The following SV2B variants were observed in gnomAD, a reference collection of about 807,000 sequenced individuals.
SV2B encodes the protein solute carrier family 22 member B2.
SV2B carries 41 observed loss-of-function variants against 73.9 expected under a neutral mutation model. That is an observed-to-expected ratio of 0.56 (90% CI 0.43 to 0.72). SV2B has a LOEUF of 0.72. Among genes scored for constraint, SV2B ranks in the 30% least tolerant of loss-of-function variants. The probability of loss-of-function intolerance (pLI) is 0.00; values close to 1 mark genes in which losing one functional copy is unlikely to be tolerated. For missense variants in SV2B, 764 were observed against 857.8 expected (o/e 0.89, Z 1.37); for synonymous variants, 314 against 314.2 (o/e 1.00, Z 0.01).
intron 1 of SV2B, among the ~76,000 whole-genome samples, chr15:91,196,392 T>C (rs549156006): frequency 6.6e-6 from 1 of 152,252 alleles, no homozygotes; most frequent in South Asian, 2.1e-4. Flanking sequence ...AGTGATGTAT[T>C]ATGTCTACAT....
chr15:91,111,538 G>A (rs2042035656), intron 1 of SV2B, among the ~76,000 whole-genome samples: 1 of 152,160 alleles, frequency 6.6e-6, no homozygotes, highest in Non-Finnish European at 1.5e-5. Context: ...CAAAGCTATT[G>A]GACAGGAGAG....
At chr15:91,264,151 A>G (rs373693267) in intron 6 of SV2B, among the ~76,000 whole-genome samples, 25 of 152,346 alleles carry the variant, frequency 1.6e-4, no homozygotes, top group African/African-American at 4.8e-4. Context: ...GGTTCCACGC[A>G]GTGGTGCTTA....
chr15:91,209,114 GTTTTTTTTTTTTT>G (rs903531189), intron 1 of SV2B, among the ~76,000 whole-genome samples: 2 of 90,022 alleles, frequency 2.2e-5, no homozygotes, highest in African/African-American at 1.2e-4. Context: ...ACTGTTTTTT[GTTTTTTTTTTTTT>G]TTTTTTTTTT....
At chr15:91,199,274 T>G (rs1044506372) in intron 1 of SV2B, among the ~76,000 whole-genome samples, 2 of 152,204 alleles carry the variant, frequency 1.3e-5, no homozygotes, top group Non-Finnish European at 2.9e-5. Flanking sequence ...CCCGTCACTC[T>G]CTGGGGGAAG....
In SV2B at chr15:91,252,903, C is replaced by A. The variant is rs919892641; in HGVS notation, c.784+383C>A. On this transcript the variant is annotated intron_variant, in intron 4 of 12. Transcript: ENST00000394232. This position sits in a 1 kb window ranked among gnomAD's most constrained non-coding sequence, Gnocchi z 4.6. ...TAGATGACAGGTATGTGACAAAAGC[C>A]AAGAGAAGTTGGTGACTTGCTCAAG... Among the ~76,000 whole-genome samples, 1 of 152,072 alleles carries A rather than the reference C, an allele frequency of 6.6e-6. No homozygotes were observed. The highest frequency in any genetic ancestry group is 6.5e-5 in the Admixed American group (1 of 15,270).
Position 91,122,074 on chromosome 15 carries a change from C to T in SV2B, c.-392+21711C>T, listed in dbSNP as rs868797970. On this transcript the variant is annotated intron_variant, in intron 1 of 12. Coordinates refer to ENST00000394232, the MANE Select transcript of SV2B (RefSeq NM_001323032.3). This position sits in a 1 kb window ranked among gnomAD's most constrained non-coding sequence, Gnocchi z 4.3. ...CAGGCGTGAGCCACTGCGCCCGGCCCAATGGTGTTTTAAAAGTAATGCTTG... is the reference window on the plus strand; with the variant it reads ...CAGGCGTGAGCCACTGCGCCCGGCCTAATGGTGTTTTAAAAGTAATGCTTG... Among the ~76,000 whole-genome samples the T allele has an allele frequency of 2.0e-5, 3 of 152,086 alleles. No homozygotes were observed. The highest frequency in any genetic ancestry group is 6.5e-5 in the Admixed American group (1 of 15,274).
intron 1 of SV2B, among the ~76,000 whole-genome samples, chr15:91,206,328 C>T (rs1450928576): frequency 5.3e-5 from 8 of 151,916 alleles, no homozygotes; most frequent in African/African-American, 1.9e-4. Context: ...AGGCGTGAGC[C>T]ACCGTGCCCA....
intron 1 of SV2B, among the ~76,000 whole-genome samples, chr15:91,193,905 A>C (rs2045142153): frequency 6.6e-6 from 1 of 152,156 alleles, no homozygotes; most frequent in Admixed American, 6.5e-5. Context: ...TGTAACCATA[A>C]AGGCTCAACG....
rs1323938457 is a variant in SV2B, at chr15:91,214,305, AG to A, written c.-391-11565del. ...ATTTGCTGCTTGTGGAGTGAGGTTA[AG>A]GGTCTCGTTGTCCTTTAGAGTGTGG... On this transcript the variant is annotated intron_variant, in intron 1 of 12. Transcript: ENST00000394232. This position sits in a 1 kb window ranked among gnomAD's most constrained non-coding sequence, Gnocchi z 4.7. Among the ~76,000 whole-genome samples the A allele has an allele frequency of 6.6e-6, 1 of 152,174 alleles. No homozygotes were observed. Among genetic ancestry groups the A allele is most frequent in the African/African-American group, 2.4e-5 (1 of 41,442 alleles).
Position 91,260,532 on chromosome 15 carries a change from G to A in SV2B, c.1008+123G>A, listed in dbSNP as rs892345110. The A allele has an allele frequency of 7.8e-6, 5 of 637,406 alleles. No individual in the cohort carries two copies. The African/African-American group carries it at 9.2e-5, about 12-fold the overall frequency. 39.5% of individuals were successfully genotyped at this position (637,406 alleles called of 1,614,324 possible). On this transcript the variant is annotated intron_variant, in intron 6 of 12. Coordinates refer to ENST00000394232, the MANE Select transcript of SV2B (RefSeq NM_001323032.3). ...AAAGGAGAACAAAGACTCTGATATT[G>A]CTGTTACTTTATAATAATTATTCTT...
intron 1 of SV2B, among the ~76,000 whole-genome samples, chr15:91,185,038 CAG>C (rs1242229919): frequency 6.6e-6 from 1 of 152,220 alleles, no homozygotes; most frequent in Non-Finnish European, 1.5e-5. Flanking sequence ...TCTTCTGAAA[CAG>C]ATGTTCTGTC....
At position 91,252,305 on chromosome 15, in the gene SV2B, T is replaced by C. The variant is rs1008366618; in HGVS notation, c.633-64T>C. ...CTAAGGTGGGGTATAGGCAACTTGG[T>C]TTCTGCTGTGACCATTTTTAGTGTA... On this transcript the variant is annotated intron_variant, in intron 3 of 12. Coordinates refer to ENST00000394232, the MANE Select transcript of SV2B (RefSeq NM_001323032.3). This position sits in a 1 kb window ranked among gnomAD's most constrained non-coding sequence, Gnocchi z 4.6. 5.8e-6 allele frequency: 9 copies of C among 1,548,616 alleles called. No individual in the cohort carries two copies. The African/African-American group carries it at 1.1e-4, about 19-fold the overall frequency.
Position 91,265,333 on chromosome 15 carries a change from G to A in SV2B, c.1009-1249G>A, listed in dbSNP as rs2048062258. On this transcript the variant is annotated intron_variant, in intron 6 of 12. Coordinates refer to ENST00000394232, the MANE Select transcript of SV2B (RefSeq NM_001323032.3). The surrounding 1 kb of genome is among the most constrained non-coding windows in gnomAD (Gnocchi z 4.2). Reference sequence around the variant, plus strand: ...TCGGCTGAGAACCCACGATCTGCAGGGCTGGGGGAACACAGGCCATATTCT... The same window carrying A: ...TCGGCTGAGAACCCACGATCTGCAGAGCTGGGGGAACACAGGCCATATTCT... 6.6e-6 allele frequency among the ~76,000 whole-genome samples: 1 copy of A among 152,188 alleles called. No homozygotes were observed. Among genetic ancestry groups the A allele is most frequent in the African/African-American group, 2.4e-5 (1 of 41,448 alleles).
At chr15:91,201,751 C>T (rs953134909) in intron 1 of SV2B, among the ~76,000 whole-genome samples, 1 of 152,200 alleles carries the variant, frequency 6.6e-6, no homozygotes, top group Non-Finnish European at 1.5e-5. Context: ...TCTGCAAATC[C>T]AGATAGCTCT....
In SV2B at chr15:91,136,723, C is replaced by A. The variant is rs549438653; in HGVS notation, c.-392+36360C>A. ...TTGGGAGCGGGAATGGGGTGGCTTCCTTCCCTCAGGGAGGAGGGGGTGGTG... is the reference window on the plus strand; with the variant it reads ...TTGGGAGCGGGAATGGGGTGGCTTCATTCCCTCAGGGAGGAGGGGGTGGTG... On this transcript the variant is annotated intron_variant, in intron 1 of 12. Transcript: ENST00000394232. The surrounding 1 kb of genome is among the most constrained non-coding windows in gnomAD (Gnocchi z 5.6). Among the ~76,000 whole-genome samples, 3 of 152,212 alleles carry A rather than the reference C, an allele frequency of 2.0e-5. No homozygotes were observed. In the South Asian group the frequency reaches 6.2e-4, roughly 32 times the overall value.
rs1421602608 is a variant in SV2B at position 91,292,483 on chromosome 15, T to G, written c.1983T>G (p.Ala661=). The change falls in exon 13 of 13, where the codon GCT becomes GCG. Residue 661 remains alanine (A), a synonymous_variant. Coordinates refer to ENST00000394232, the MANE Select transcript of SV2B (RefSeq NM_001323032.3). ...AAGTGGTCCCCATCCTTCTGGCTGC[T>G]GCTTCTCTGGTTGGGGGTGGCCTGA... ...ITKVVPILLA[A]ASLVGGGLIA... 1.2e-6 allele frequency: 2 copies of G among 1,614,240 alleles called. No individual in the cohort carries two copies. The highest frequency in any genetic ancestry group is 2.2e-5 in the East Asian group (1 of 44,884).
chr15:91,176,403 C>T (rs1424167653), intron 1 of SV2B, among the ~76,000 whole-genome samples: 2 of 151,262 alleles, frequency 1.3e-5, no homozygotes, highest in Non-Finnish European at 3.0e-5. Flanking sequence ...TGGGTATATA[C>T]CCCGTAATTG....
intron 4 of SV2B, among the ~76,000 whole-genome samples, chr15:91,257,435 A>G (rs996232890): frequency 6.6e-6 from 1 of 152,182 alleles, no homozygotes; most frequent in African/African-American, 2.4e-5. Context: ...ACCCATGAGG[A>G]TATTCAAAAC....
chr15:91,174,180 G>T (rs1294351620), intron 1 of SV2B, among the ~76,000 whole-genome samples: 1 of 152,228 alleles, frequency 6.6e-6, no homozygotes, highest in East Asian at 1.9e-4. Context: ...GCAAATGACT[G>T]ATGACGTGCA....
Sources: gnomAD v4.1 joint callset for allele counts (sites outside exome capture counted in the v4.1 genomes callset) on GRCh38, gnomAD v4.1.1 for gene constraint, Gnocchi (gnomAD v3.1) non-coding constraint, MANE v1.5 for transcripts, NCBI Gene and HGNC (gene_info 2026-07-23, HGNC 2026-07-21) for gene names.